Variants in TTC17 observed in about 807,000 individuals in gnomAD.
The protein encoded by TTC17 is tetratricopeptide repeat domain 17, also known as tetratricopeptide repeat protein 17.
A neutral mutation model predicts 143.8 loss-of-function variants in TTC17; 58 were observed. The observed-to-expected ratio is 0.40, with a 90% CI of 0.33 to 0.50. The LOEUF (loss-of-function observed/expected upper bound fraction) is 0.50, where lower values mean the gene tolerates loss of function less well. Ranked by LOEUF, TTC17 falls within the 20% of genes least tolerant of loss-of-function variation. The pLI is 0.49. For missense variants in TTC17, 1,273 were observed against 1,392.5 expected (o/e 0.91, Z 1.37); for synonymous variants, 501 against 497.8 (o/e 1.01, Z -0.09).
At position 43,389,768 on chromosome 11, in the gene TTC17, G is replaced by T. The variant is rs757475821; in HGVS notation, c.366G>T (p.Gly122=). The T allele has an allele frequency of 1.2e-6, 2 of 1,613,930 alleles. No individual in the cohort carries two copies. The highest frequency in any genetic ancestry group is 1.7e-6 in the Non-Finnish European group (2 of 1,179,948). ...PDCIKAKVPL[G]DLDLYDGTYI... is the part of the protein sequence containing the mutation. Reference sequence around the variant, plus strand: ...GCATCAAAGCCAAGGTGCCCTTAGGGGACCTGGATCTATATGATGGCACAT... The same window carrying T: ...GCATCAAAGCCAAGGTGCCCTTAGGTGACCTGGATCTATATGATGGCACAT... Residue 122 remains glycine, a synonymous_variant, in exon 3 of 24, where the codon GGG becomes GGT. Transcript: ENST00000039989.
chr11:43,439,864 TG>T (rs1201442091), intron 16 of TTC17, among the ~76,000 whole-genome samples: 3 of 152,178 alleles, frequency 2.0e-5, no homozygotes, highest in Admixed American at 2.0e-4. Context: ...CCCACTACCC[TG>T]GAATAGGCTT....
At chr11:43,375,706 G>A (rs1856741026) in intron 1 of TTC17, among the ~76,000 whole-genome samples, 1 of 151,800 alleles carries the variant, frequency 6.6e-6, no homozygotes. Context: ...ATGAGAGCTT[G>A]AATTAATGTT....
intron 1 of TTC17, among the ~76,000 whole-genome samples, chr11:43,367,070 G>C (rs115790249): frequency 9.9e-5 from 15 of 152,230 alleles, no homozygotes; most frequent in African/African-American, 2.9e-4. Context: ...TACCTACTTA[G>C]GTAAATGCCA....
At chr11:43,412,288 A>G (rs1203374997) in intron 15 of TTC17, among the ~76,000 whole-genome samples, 1 of 152,130 alleles carries the variant, frequency 6.6e-6, no homozygotes, top group Non-Finnish European at 1.5e-5. Flanking sequence ...GCTCAGTACC[A>G]GCCTGGGCAA....
intron 1 of TTC17, among the ~76,000 whole-genome samples, chr11:43,376,567 C>G (rs1386588111): frequency 1.3e-5 from 2 of 152,242 alleles, no homozygotes; most frequent in South Asian, 4.1e-4. Flanking sequence ...TCCTTTTTAA[C>G]CTACCTCTCT....
At chr11:43,479,539 T>C (rs1948247558) in intron 21 of TTC17, among the ~76,000 whole-genome samples, 1 of 152,216 alleles carries the variant, frequency 6.6e-6, no homozygotes, top group Non-Finnish European at 1.5e-5. Flanking sequence ...AAGTACCATG[T>C]ATTCCAAGCT....
intron 16 of TTC17, chr11:43,436,452 G>C: frequency 1.0e-6 from 1 of 952,922 alleles, no homozygotes; most frequent in South Asian, 5.3e-5. Flanking sequence ...TTATATTGTA[G>C]CATCATGAGG....
intron 1 of TTC17, among the ~76,000 whole-genome samples, chr11:43,367,503 G>A (rs887639252): frequency 1.3e-5 from 2 of 152,220 alleles, no homozygotes; most frequent in African/African-American, 4.8e-5. Flanking sequence ...ACCAGCTGTG[G>A]GGTTCAGCAG....
intron 21 of TTC17, among the ~76,000 whole-genome samples, chr11:43,485,308 T>C (rs1177807016): frequency 6.6e-6 from 1 of 152,092 alleles, no homozygotes. Context: ...ACTGGGGCAA[T>C]TGCTTACTTA....
In TTC17 at chr11:43,397,428, C is replaced by T; in HGVS notation, c.855C>T (p.Val285=). 1 of 1,613,590 alleles carries T rather than the reference C, an allele frequency of 6.2e-7. No individual in the cohort carries two copies. Among genetic ancestry groups the T allele is most frequent in the South Asian group, 1.1e-5 (1 of 91,074 alleles). The change falls in exon 7 of 24, where the codon GTC becomes GTT. Residue 285 remains valine, a synonymous_variant. Transcript: ENST00000039989. ...TCTCTGCTGATGCTGCTGTCGTGGT[C>T]CATGCAGCTCTGGATGACAGTGACT... ...AHFSADAAVV[V]HAALDDSDFF...
chr11:43,387,726 A>G (rs758696192), intron 2 of TTC17, among the ~76,000 whole-genome samples: 3 of 151,496 alleles, frequency 2.0e-5, no homozygotes, highest in Non-Finnish European at 1.5e-5. Flanking sequence ...CCTTTCCTAT[A>G]AAAGGGTCAC....
intron 22 of TTC17, 83 bp from the exon 23 acceptor site, chr11:43,491,937 C>G (rs1211291287): frequency 2.6e-6 from 4 of 1,552,206 alleles, no homozygotes; most frequent in Non-Finnish European, 3.5e-6. Flanking sequence ...GAAACACAGA[C>G]TGTATTCTTT....
Position 43,414,534 on chromosome 11 carries a change from T to A in TTC17, c.2065-56T>A, listed in dbSNP as rs186491546. On this transcript the variant is annotated intron_variant, in intron 15 of 23. Transcript: ENST00000039989. ...AAAGCCATATACTGTAAACGTTTTG[T>A]AACTCCCAGAAAATATTAGTTCATT... 153 of 1,550,720 alleles carry A rather than the reference T, an allele frequency of 9.9e-5. No homozygotes were observed. The East Asian group carries it at 3.1e-3, about 32-fold the overall frequency.
intron 1 of TTC17, among the ~76,000 whole-genome samples, chr11:43,373,678 G>A (rs777929311): frequency 1.3e-5 from 2 of 152,132 alleles, no homozygotes; most frequent in Non-Finnish European, 2.9e-5. Context: ...GAGTGAGTAC[G>A]AATTTATATG....
intron 21 of TTC17, among the ~76,000 whole-genome samples, chr11:43,485,818 T>C (rs1948368447): frequency 6.6e-6 from 1 of 151,558 alleles, no homozygotes; most frequent in African/African-American, 2.4e-5. Context: ...TTTTAAACAA[T>C]GTGAATGGGG....
intron 2 of TTC17, among the ~76,000 whole-genome samples, chr11:43,384,467 G>A (rs541821483): frequency 6.6e-6 from 1 of 152,288 alleles, no homozygotes; most frequent in South Asian, 2.1e-4. Flanking sequence ...ACCAACCTGG[G>A]CAGCATGGAG....
intron 2 of TTC17, among the ~76,000 whole-genome samples, chr11:43,384,936 A>G (rs932047923): frequency 1.3e-5 from 2 of 152,240 alleles, no homozygotes; most frequent in South Asian, 4.1e-4. Context: ...CTCAGGCAAA[A>G]TAAGAGCCTA....
chr11:43,377,264 G>T (rs1270835947), intron 1 of TTC17, among the ~76,000 whole-genome samples: 1 of 152,066 alleles, frequency 6.6e-6, no homozygotes, highest in African/African-American at 2.4e-5. Context: ...CTGCACTCCA[G>T]CCCAGGAGAC....
chr11:43,468,986 G>A (rs892470071), intron 21 of TTC17, among the ~76,000 whole-genome samples: 1 of 152,074 alleles, frequency 6.6e-6, no homozygotes, highest in Non-Finnish European at 1.5e-5. Context: ...ATATATGATG[G>A]ACTTGAGTTC....
Sources: allele counts gnomAD v4.1 joint callset (sites outside exome capture counted in the v4.1 genomes callset), GRCh38; gene constraint gnomAD v4.1.1; transcripts MANE v1.5; gene names NCBI Gene and HGNC (gene_info 2026-07-23, HGNC 2026-07-21).